ANKRD50: variants seen among roughly 807,000 people sequenced by gnomAD.
ANKRD50 encodes ankyrin repeat domain-containing protein 50.
In ANKRD50, 40 loss-of-function variants were observed where a neutral mutation model predicts 112.0. The observed-to-expected ratio is 0.36, with a 90% confidence interval of 0.28 to 0.46. The LOEUF (loss-of-function observed/expected upper bound fraction) is 0.46, where lower values mean the gene tolerates loss of function less well. Among genes scored for constraint, ANKRD50 ranks in the 20% least tolerant of loss-of-function variants. ANKRD50 has a pLI of 1.00. For missense variants in ANKRD50, 1,487 were observed against 1,701.7 expected, an observed-to-expected ratio of 0.87 and a Z score of 2.22; for synonymous variants, 613 against 619.1, an observed-to-expected ratio of 0.99 and a Z score of 0.15.
chr4:124,684,130 C>T (rs76710526), intron 2 of ANKRD50, among the ~76,000 whole-genome samples: 6,668 of 152,066 alleles, frequency 0.044, 266 homozygotes, highest in East Asian at 0.21. Flanking sequence ...GTCAAAGATT[C>T]CTTTTGTTCG....
chr4:124,680,023 T>C (rs908740512), intron 2 of ANKRD50, among the ~76,000 whole-genome samples: 3 of 152,230 alleles, frequency 2.0e-5, no homozygotes, highest in Admixed American at 2.0e-4. Flanking sequence ...CTGCCTGGCA[T>C]GCACTTCCCG....
At chr4:124,679,572 C>A (rs1248265131) in intron 2 of ANKRD50, among the ~76,000 whole-genome samples, 1 of 152,104 alleles carries the variant, frequency 6.6e-6, no homozygotes, top group Admixed American at 6.6e-5. Context: ...AAATACAACA[C>A]GCTCATTCAT....
intron 2 of ANKRD50, among the ~76,000 whole-genome samples, chr4:124,679,114 T>A (rs1724814568): frequency 6.6e-6 from 1 of 152,158 alleles, no homozygotes; most frequent in African/African-American, 2.4e-5. Context: ...TTTTGAACAA[T>A]CAAGAGTAGG....
rs1243241249 is a variant in ANKRD50, at chr4:124,705,789, ACAGT to A, written c.512+4207_512+4210del. On this transcript the variant is annotated intron_variant, in intron 2 of 4. Coordinates refer to ENST00000504087, the MANE Select transcript of ANKRD50 (RefSeq NM_020337.3). ...CTCTAACACTAACTCTAGAAAAGAC[ACAGT>A]CAATGTAAAATATACAAAGTTTTGC... is the stretch of plus-strand genomic sequence containing the variant. Among the ~76,000 whole-genome samples the A allele has an allele frequency of 5.9e-5, 9 of 152,316 alleles. 1 individual carries two copies. The South Asian group carries it at 1.9e-3, about 32-fold the overall frequency.
intron 3 of ANKRD50, among the ~76,000 whole-genome samples, chr4:124,674,212 C>G (rs906428552): frequency 8.6e-5 from 13 of 151,782 alleles, no homozygotes; most frequent in African/African-American, 3.1e-4. Flanking sequence ...TTTAAAGTTT[C>G]TGAAGCAATG....
intron 2 of ANKRD50, among the ~76,000 whole-genome samples, chr4:124,693,573 T>C (rs915967166): frequency 2.6e-5 from 4 of 152,168 alleles, no homozygotes; most frequent in Admixed American, 6.5e-5. Flanking sequence ...AGTTACCCCT[T>C]ATACTACGCT....
At chr4:124,692,637 T>C (rs932842756) in intron 2 of ANKRD50, among the ~76,000 whole-genome samples, 1 of 152,058 alleles carries the variant, frequency 6.6e-6, no homozygotes, top group Non-Finnish European at 1.5e-5. Context: ...GTATTAATGT[T>C]CTATAAGAGA....
chr4:124,695,693 A>C (rs932062135), intron 2 of ANKRD50, among the ~76,000 whole-genome samples: 1 of 152,188 alleles, frequency 6.6e-6, no homozygotes, highest in Admixed American at 6.5e-5. Context: ...AGAGCTAAAC[A>C]TAATTTCTTA....
Position 124,692,334 on chromosome 4 carries a change from G to A in ANKRD50, c.513-13429C>T, listed in dbSNP as rs374814195. ...CAATATATAGACACTGAAATATATGGTTGGAAAGTGACTTAACTGGTAAAT... is the reference window on the plus strand; with the variant it reads ...CAATATATAGACACTGAAATATATGATTGGAAAGTGACTTAACTGGTAAAT... On this transcript the variant is annotated intron_variant, in intron 2 of 4. Coordinates refer to ENST00000504087, the MANE Select transcript of ANKRD50 (RefSeq NM_020337.3). 4.5e-4 allele frequency among the ~76,000 whole-genome samples: 69 copies of A among 152,294 alleles called. No individual in the cohort carries two copies. In the East Asian group the frequency reaches 0.013, roughly 28 times the overall value.
chr4:124,694,738 A>C (rs954377069), intron 2 of ANKRD50, among the ~76,000 whole-genome samples: 1 of 152,184 alleles, frequency 6.6e-6, no homozygotes, highest in East Asian at 1.9e-4. Context: ...CAAAATCGTT[A>C]GTATCAGCTT....
chr4:124,676,117 T>C (rs1162229031), intron 3 of ANKRD50, among the ~76,000 whole-genome samples: 1 of 151,742 alleles, frequency 6.6e-6, no homozygotes, highest in Admixed American at 6.6e-5. Context: ...ACCAGAAAGA[T>C]ATGTGTAGGA....
chr4:124,682,768 T>A (rs1007590845), intron 2 of ANKRD50, among the ~76,000 whole-genome samples: 1 of 152,134 alleles, frequency 6.6e-6, no homozygotes, highest in African/African-American at 2.4e-5. Flanking sequence ...TATTTGCCTC[T>A]TTATATGTGA....
chr4:124,671,866 A>C lies in ANKRD50; in HGVS notation c.1411T>G (p.Leu471Val), dbSNP rs2110508888. 1.2e-6 allele frequency: 2 copies of C among 1,613,818 alleles called. No homozygotes were observed. Among genetic ancestry groups the C allele is most frequent in the East Asian group, 2.2e-5 (1 of 44,844 alleles). ...NSNLQLETAE[L>V]ALWMIWNGTP... ...CCATTCCATATCATCCACAGAGCTA[A>C]CTCCGCTGTCTCTAATTGTAAGTTT... The change falls in exon 4 of 5, where the codon TTA becomes GTA. Residue 471 changes from leucine to valine, a missense_variant. Leu to Val is a conservative substitution (Grantham distance 32). Around this residue, in one of 2 missense-constraint regions of ANKRD50, gnomAD observed 1,046 missense variants for 1,269.5 expected, o/e 0.82. Transcript: ENST00000504087.
chr4:124,686,396 G>C (rs979720091), intron 2 of ANKRD50, among the ~76,000 whole-genome samples: 1 of 152,130 alleles, frequency 6.6e-6, no homozygotes, highest in Non-Finnish European at 1.5e-5. Flanking sequence ...CTGATAAAGA[G>C]CGTTCACACT....
Position 124,672,107 on chromosome 4 carries a change from A to C in ANKRD50, c.1170T>G (p.Asp390Glu), listed in dbSNP as rs1290506859. 6.2e-7 allele frequency: 1 copy of C among 1,613,914 alleles called. No homozygotes were observed. Among genetic ancestry groups the C allele is most frequent in the Non-Finnish European group, 8.5e-7 (1 of 1,179,836 alleles). ...LTLEDFQRKLDILSKLLVDGL... is the reference protein window; with the variant it reads ...LTLEDFQRKLEILSKLLVDGL... ...CATCAACAAGAAGTTTGGAGAGGAT[A>C]TCTAACTTGCGTTGAAAATCTTCCA... Residue 390 changes from aspartate (D) to glutamate (E), a missense_variant, in exon 4 of 5, where the codon GAT becomes GAG. Physicochemically the swap from Asp to Glu is conservative, Grantham distance 45. Transcript: ENST00000504087.
At position 124,666,624 on chromosome 4, in the gene ANKRD50, A is replaced by C. The variant is rs1730497726; in HGVS notation, c.*894T>G. 1 of 152,388 alleles carries C rather than the reference A, an allele frequency of 6.6e-6. No homozygotes were observed. The highest frequency in any genetic ancestry group is 2.4e-5 in the African/African-American group (1 of 41,416). The allele number at this position is 152,388 out of a possible 1,614,324, so 9.4% of individuals were successfully genotyped here. Reference sequence around the variant, plus strand: ...TCAATGAATTATTCAGGGATCAAAAATCTACCCTTAGATAGACAGGTGCAT... The same window carrying C: ...TCAATGAATTATTCAGGGATCAAAACTCTACCCTTAGATAGACAGGTGCAT... On this transcript the variant is annotated 3_prime_UTR_variant, in exon 5 of 5. Coordinates refer to ENST00000504087, the MANE Select transcript of ANKRD50 (RefSeq NM_020337.3).
At chr4:124,702,940 G>A (rs148884840) in intron 2 of ANKRD50, among the ~76,000 whole-genome samples, 1,721 of 152,104 alleles carry the variant, frequency 0.011, 44 homozygotes, top group African/African-American at 0.039. Context: ...GTTAGTGAGG[G>A]ACTACCAAGT....
At chr4:124,675,128 C>T (rs1440597761) in intron 3 of ANKRD50, among the ~76,000 whole-genome samples, 1 of 151,714 alleles carries the variant, frequency 6.6e-6, no homozygotes, top group Non-Finnish European at 1.5e-5. Flanking sequence ...CTTTTCTATT[C>T]TTACTTGAAT....
At chr4:124,686,040 G>T (rs1382134764) in intron 2 of ANKRD50, among the ~76,000 whole-genome samples, 2 of 152,082 alleles carry the variant, frequency 1.3e-5, no homozygotes, top group East Asian at 3.9e-4. Flanking sequence ...CTGGCAGAAA[G>T]GCAGCTGAAA....
Sources: gnomAD v4.1 joint callset for allele counts (sites outside exome capture counted in the v4.1 genomes callset) on GRCh38, gnomAD v4.1.1 for gene constraint, gnomAD v4.1.1 regional missense constraint, MANE v1.5 for transcripts, NCBI Gene and HGNC (gene_info 2026-07-23, HGNC 2026-07-21) for gene names.